The following JCAD variants were observed in gnomAD, a reference collection of about 807,000 sequenced individuals.
JCAD encodes the protein junctional cadherin 5 associated.
Under a neutral mutation model 98.0 loss-of-function variants are expected in JCAD, and 40 were observed. The ratio of observed to expected loss-of-function variants is 0.41; its 90% CI spans 0.32 to 0.53. The LOEUF is 0.53. JCAD is among the 20% of genes least tolerant of loss of function. JCAD has a pLI of 0.31. For synonymous variants in JCAD, 691 were observed against 682.3 expected (o/e 1.01, Z -0.20); for missense variants, 1,705 against 1,738.1 (o/e 0.98, Z 0.34).
chr10:30,112,167 G>A (rs1448936130), intron 1 of JCAD, among the ~76,000 whole-genome samples: 2 of 152,136 alleles, frequency 1.3e-5, no homozygotes, highest in Non-Finnish European at 2.9e-5. Flanking sequence ...CTACCTCATG[G>A]ACAAACATTA....
At chr10:30,031,899 C>T (rs1161073803) in intron 2 of JCAD, among the ~76,000 whole-genome samples, 8 of 150,832 alleles carry the variant, frequency 5.3e-5, no homozygotes, top group Admixed American at 1.3e-4. Context: ...GGACTACAGG[C>T]GCCCGCCACT....
At chr10:30,024,554 C>CTA (rs1283056040) in intron 3 of JCAD, among the ~76,000 whole-genome samples, 1 of 152,138 alleles carries the variant, frequency 6.6e-6, no homozygotes, top group Non-Finnish European at 1.5e-5. Context: ...GCTTGTCCAA[C>CTA]TAGAGGATCC....
At chr10:30,069,287 C>A (rs1054967435) in intron 2 of JCAD, among the ~76,000 whole-genome samples, 1 of 151,746 alleles carries the variant, frequency 6.6e-6, no homozygotes, top group Non-Finnish European at 1.5e-5. Context: ...CTGGGGCTGA[C>A]CAAAGGAGTG....
In JCAD at chr10:30,029,735, C is replaced by T. The variant is rs747662549; in HGVS notation, c.413G>A (p.Gly138Glu). The change falls in exon 3 of 4, where the codon GGA (glycine) becomes GAA (glutamate). Residue 138 changes from glycine (G) to glutamate (E), a missense_variant. By Grantham distance (98) the Gly-to-Glu change is moderately conservative. Transcript: ENST00000375377. ...PREHENLEARGMAQAHSLPVH... is the reference protein window; with the variant it reads ...PREHENLEAREMAQAHSLPVH... Reference sequence around the variant, plus strand: ...AGGCAGGCTGTGGGCTTGGGCCATTCCTCTGGCCTCCAGGTTTTCGTGCTC... The same window carrying T: ...AGGCAGGCTGTGGGCTTGGGCCATTTCTCTGGCCTCCAGGTTTTCGTGCTC... 2 of 1,614,278 alleles carry T rather than the reference C, an allele frequency of 1.2e-6. No individual in the cohort carries two copies. Among genetic ancestry groups the T allele is most frequent in the Non-Finnish European group, 1.7e-6 (2 of 1,180,052 alleles).
rs139238125 is a variant in JCAD at position 30,054,332 on chromosome 10, T to C, written c.-60+5150A>G. Among the ~76,000 whole-genome samples, 689 of 152,266 alleles carry C rather than the reference T, an allele frequency of 4.5e-3. 10 individuals carry two copies. In the South Asian group the frequency reaches 0.051, roughly 11 times the overall value. On this transcript the variant is annotated intron_variant, in intron 1 of 3. Transcript: ENST00000375377. The stretch of plus-strand genomic sequence containing the variant: ...TTGAAAAATTTCCTTATTTATACTT[T>C]ACTGAATCTTATGATATTCTGTCAT...
chr10:30,084,499 C>T (rs1380284594), intron 1 of JCAD, among the ~76,000 whole-genome samples: 2 of 152,156 alleles, frequency 1.3e-5, no homozygotes, highest in African/African-American at 4.8e-5. Context: ...GTAGGGGCCT[C>T]AGTCAATCAG....
At chr10:30,065,584 C>T (rs551775599) in intron 2 of JCAD, among the ~76,000 whole-genome samples, 198 of 152,250 alleles carry the variant, frequency 1.3e-3, no homozygotes, top group African/African-American at 4.6e-3. Context: ...TCACTGCAGC[C>T]TTGACCTCCT....
At chr10:30,109,479 T>G (rs962937617) in intron 1 of JCAD, among the ~76,000 whole-genome samples, 1 of 152,184 alleles carries the variant, frequency 6.6e-6, no homozygotes, top group Non-Finnish European at 1.5e-5. Context: ...CTCAAGCCCC[T>G]GTTGTTTCAA....
intron 1 of JCAD, among the ~76,000 whole-genome samples, chr10:30,113,840 TG>T (rs1424051604): frequency 5.3e-5 from 8 of 152,204 alleles, no homozygotes. Flanking sequence ...TTTGGCACCC[TG>T]CCCAGGGACC....
intron 1 of JCAD, among the ~76,000 whole-genome samples, chr10:30,073,294 A>C (rs1284104301): frequency 6.6e-6 from 1 of 152,216 alleles, no homozygotes; most frequent in Admixed American, 6.5e-5. Context: ...TCATATGATA[A>C]TGATCCACAG....
At chr10:30,114,502 T>C (rs1838757943) in intron 1 of JCAD, among the ~76,000 whole-genome samples, 1 of 150,790 alleles carries the variant, frequency 6.6e-6, no homozygotes, top group Non-Finnish European at 1.5e-5. Context: ...AGAAAATACC[T>C]GGTCCAGCCA....
rs1178802504 is a variant in JCAD at position 30,017,606 on chromosome 10, T to C, written c.*277A>G. ...TTTACCAGCTTAGTCAAATCTGTCA[T>C]GAGGGAGGGTTTCTGTGAAAACTCC... On this transcript the variant is annotated 3_prime_UTR_variant, in exon 4 of 4. Coordinates refer to ENST00000375377, the MANE Select transcript of JCAD (RefSeq NM_020848.4). 2 of 533,316 alleles carry C rather than the reference T, an allele frequency of 3.8e-6. No individual in the cohort carries two copies. Among genetic ancestry groups the C allele is most frequent in the Admixed American group, 3.6e-5 (1 of 27,476 alleles). 33.0% of individuals were successfully genotyped at this position (533,316 alleles called of 1,614,324 possible).
intron 3 of JCAD, among the ~76,000 whole-genome samples, chr10:30,021,083 C>G (rs1836651917): frequency 6.6e-6 from 1 of 152,238 alleles, no homozygotes; most frequent in Non-Finnish European, 1.5e-5. Flanking sequence ...TTTTAGTGGT[C>G]TTTTGTGCCA....
intron 2 of JCAD, among the ~76,000 whole-genome samples, chr10:30,042,046 AC>A (rs1218814606): frequency 2.6e-5 from 4 of 152,068 alleles, no homozygotes; most frequent in African/African-American, 9.7e-5. Context: ...CTTTTCCTGG[AC>A]CACGTCAGTG....
At chr10:30,080,582 C>T (rs1002886662) in intron 1 of JCAD, among the ~76,000 whole-genome samples, 2 of 152,218 alleles carry the variant, frequency 1.3e-5, no homozygotes, top group Non-Finnish European at 2.9e-5. Flanking sequence ...GTTCAAGCCA[C>T]TGTCAAATTC....
At chr10:30,070,091 A>G (rs1347311182) in intron 1 of JCAD, among the ~76,000 whole-genome samples, 1 of 152,238 alleles carries the variant, frequency 6.6e-6, no homozygotes, top group Non-Finnish European at 1.5e-5. Flanking sequence ...CGTGCAAATA[A>G]GAGCGACTAC....
intron 1 of JCAD, among the ~76,000 whole-genome samples, chr10:30,106,026 A>C (rs1271727377): frequency 6.6e-6 from 1 of 152,204 alleles, no homozygotes; most frequent in Non-Finnish European, 1.5e-5. Context: ...TTCAGGATAA[A>C]ATATCTTCAA....
upstream of JCAD, among the ~76,000 whole-genome samples, chr10:30,063,403 A>G (rs1381787377): frequency 6.6e-6 from 1 of 152,096 alleles, no homozygotes; most frequent in African/African-American, 2.4e-5. Context: ...GCCTGCTTAA[A>G]GAAAGAAAAA....
At chr10:30,083,994 C>T (rs1411518463) in intron 1 of JCAD, among the ~76,000 whole-genome samples, 1 of 148,358 alleles carries the variant, frequency 6.7e-6, no homozygotes, top group East Asian at 2.0e-4. Flanking sequence ...TGCACTCCAG[C>T]CTGGGTGACA....
Sources: gnomAD v4.1 joint callset for allele counts (sites outside exome capture counted in the v4.1 genomes callset) on GRCh38, gnomAD v4.1.1 for gene constraint, MANE v1.5 for transcripts, NCBI Gene and HGNC (gene_info 2026-07-23, HGNC 2026-07-21) for gene names.